PARK7: variants seen among roughly 807,000 people sequenced by gnomAD.
PARK7 encodes Parkinson disease protein 7.
In PARK7, 14 loss-of-function variants were observed where a neutral mutation model predicts 20.5. The ratio of observed to expected loss-of-function variants is 0.68; its 90% confidence interval spans 0.45 to 1.07. The LOEUF (loss-of-function observed/expected upper bound fraction) is 1.07, where lower values mean the gene tolerates loss of function less well. PARK7 is among the 50% of genes least tolerant of loss of function. The pLI, the probability that PARK7 is intolerant of heterozygous loss-of-function variation, is 0.00. For synonymous variants in PARK7, 98 were observed against 84.3 expected (o/e 1.16, Z -0.89); for missense variants, 234 against 238.1 (o/e 0.98, Z 0.11).
At chr1:7,971,997 A>G (rs1640475880) in intron 5 of PARK7, 1 of 152,232 alleles carries the variant, frequency 6.6e-6, no homozygotes, top group Non-Finnish European at 1.5e-5. Flanking sequence ...AAACGAATGA[A>G]TGAGTGGATG....
chr1:7,970,231 A>C (rs1237987374), intron 4 of PARK7, among the ~76,000 whole-genome samples: 1 of 152,156 alleles, frequency 6.6e-6, no homozygotes, highest in Non-Finnish European at 1.5e-5. Context: ...AAGTAAGCTG[A>C]ATTGGTGGGA....
Position 7,969,323 on chromosome 1 carries a change from T to G in PARK7, c.193-22T>G, listed in dbSNP as rs1269928836. The stretch of plus-strand genomic sequence containing the variant: ...GTTGAAATGAAATGTTTTTGTTTTC[T>G]TTATGTTTTAAACTGTTACAGGGAC... On this transcript the variant is annotated intron_variant, in intron 3 of 6. Coordinates refer to ENST00000338639, the MANE Select transcript of PARK7 (RefSeq NM_007262.5). 3 of 1,594,696 alleles carry G rather than the reference T, an allele frequency of 1.9e-6. No individual in the cohort carries two copies. In the African/African-American group the frequency reaches 4.0e-5, roughly 21 times the overall value.
intron 3 of PARK7, among the ~76,000 whole-genome samples, chr1:7,967,770 AT>A (rs1205798144): frequency 2.6e-5 from 4 of 151,800 alleles, no homozygotes; most frequent in African/African-American, 9.7e-5. Context: ...AATAAAAAAA[AT>A]TAGCTGGCTG....
chr1:7,966,648 T>G (rs1640336500), intron 3 of PARK7, among the ~76,000 whole-genome samples: 2 of 152,152 alleles, frequency 1.3e-5, no homozygotes, highest in South Asian at 4.2e-4. Flanking sequence ...CCCAGGAATT[T>G]GAGACAGCAG....
chr1:7,965,339 G>A lies in PARK7; in HGVS notation c.106G>A (p.Ala36Thr). ...MRRAGIKVTV[A>T]GLAGKDPVQC... ...TTTCTCGTAGATTAAGGTCACCGTT[G>A]CAGGCCTGGCTGGAAAAGACCCAGT... Residue 36 changes from alanine to threonine, a missense_variant, in exon 3 of 7, where the codon GCA becomes ACA. By Grantham distance (58) the Ala-to-Thr change is moderately conservative. Coordinates refer to ENST00000338639, the MANE Select transcript of PARK7 (RefSeq NM_007262.5). The A allele has an allele frequency of 6.2e-7, 1 of 1,614,090 alleles. No individual in the cohort carries two copies. Among genetic ancestry groups the A allele is most frequent in the Non-Finnish European group, 8.5e-7 (1 of 1,179,992 alleles).
chr1:7,966,309 A>G (rs566944594), intron 3 of PARK7, among the ~76,000 whole-genome samples: 12 of 152,116 alleles, frequency 7.9e-5, no homozygotes, highest in Middle Eastern at 3.4e-3. Context: ...AATCCTTTCT[A>G]ATAAGTTTAG....
chr1:7,979,867 G>A (rs1377087253), intron 6 of PARK7, among the ~76,000 whole-genome samples: 1 of 152,098 alleles, frequency 6.6e-6, no homozygotes, highest in Non-Finnish European at 1.5e-5. Context: ...TTGAAAATTG[G>A]TACTTTTTGC....
intron 3 of PARK7, among the ~76,000 whole-genome samples, chr1:7,968,807 G>C (rs1350102548): frequency 2.0e-5 from 3 of 152,134 alleles, no homozygotes; most frequent in African/African-American, 7.2e-5. Flanking sequence ...ATGAGCCAGT[G>C]TGCCCAGCCT....
chr1:7,965,561 T>C, intron 3 of PARK7, 136 bp downstream of exon 3: 1 of 771,008 alleles, frequency 1.3e-6, no homozygotes, highest in East Asian at 2.6e-5. Flanking sequence ...ATTAAGAGGG[T>C]GAGGACTTTG....
intron 5 of PARK7, among the ~76,000 whole-genome samples, chr1:7,972,973 C>T (rs1434518722): frequency 1.3e-5 from 2 of 152,028 alleles, no homozygotes; most frequent in African/African-American, 2.4e-5. Context: ...TCTATTGAAC[C>T]CGGGCGGCGG....
intron 2 of PARK7, among the ~76,000 whole-genome samples, chr1:7,964,196 A>G (rs978194009): frequency 2.6e-5 from 4 of 152,220 alleles, no homozygotes; most frequent in Admixed American, 2.0e-4. Context: ...AAAAATAGTG[A>G]ACAGTGAAGT....
rs1443402036 is a variant in PARK7, at chr1:7,984,474, C to T, written c.410-420C>T. ...CGTTGTGCTGTGGTTGTTTTTGAGG[C>T]ATCAGAGGGTGTGCGTGCCGCCACA... On this transcript the variant is annotated intron_variant, in intron 6 of 6. Coordinates refer to ENST00000338639, the MANE Select transcript of PARK7 (RefSeq NM_007262.5). The surrounding 1 kb of genome is among the most constrained non-coding windows in gnomAD (Gnocchi z 4.3). 6.6e-6 allele frequency among the ~76,000 whole-genome samples: 1 copy of T among 152,200 alleles called. No individual in the cohort carries two copies. The highest frequency in any genetic ancestry group is 1.5e-5 in the Non-Finnish European group (1 of 68,038).
chr1:7,981,851 G>T (rs1049943036), intron 6 of PARK7, among the ~76,000 whole-genome samples: 2 of 151,594 alleles, frequency 1.3e-5, no homozygotes, highest in Admixed American at 1.3e-4. Context: ...GTAGAGACGG[G>T]GTTTCATCGT....
intron 6 of PARK7, among the ~76,000 whole-genome samples, chr1:7,983,429 C>T (rs1640752787): frequency 6.6e-6 from 1 of 152,254 alleles, no homozygotes; most frequent in Non-Finnish European, 1.5e-5. Context: ...ATCCTTGAAG[C>T]CTCCTCACCT....
chr1:7,963,103 G>A (rs1274792765), intron 2 of PARK7, among the ~76,000 whole-genome samples: 3 of 151,842 alleles, frequency 2.0e-5, no homozygotes, highest in African/African-American at 7.3e-5. Context: ...GAGCTCTGTC[G>A]TCCAGGCTGG....
intron 2 of PARK7, among the ~76,000 whole-genome samples, chr1:7,964,248 G>A (rs895385847): frequency 1.1e-4 from 17 of 152,106 alleles, no homozygotes; most frequent in African/African-American, 1.9e-4. Context: ...TCTAAGTGCC[G>A]ATAAACCTTA....
chr1:7,982,521 C>G (rs1490504065), intron 6 of PARK7, among the ~76,000 whole-genome samples: 1 of 152,076 alleles, frequency 6.6e-6, no homozygotes, highest in Non-Finnish European at 1.5e-5. Context: ...TTTTGCTTCT[C>G]GTGGTTAAAA....
At chr1:7,972,279 A>G (rs1640481227) in intron 5 of PARK7, among the ~76,000 whole-genome samples, 1 of 152,116 alleles carries the variant, frequency 6.6e-6, no homozygotes, top group Non-Finnish European at 1.5e-5. Context: ...CCTTGGCAAC[A>G]TAGCCAGACC....
intron 6 of PARK7, among the ~76,000 whole-genome samples, chr1:7,983,833 A>G (rs1474944670): frequency 6.6e-6 from 1 of 152,122 alleles, no homozygotes; most frequent in African/African-American, 2.4e-5. Context: ...GGTGCCTTTG[A>G]CCTCACACTT....
Sources: allele counts gnomAD v4.1 joint callset (sites outside exome capture counted in the v4.1 genomes callset), GRCh38; gene constraint gnomAD v4.1.1; non-coding constraint Gnocchi (gnomAD v3.1); transcripts MANE v1.5; gene names NCBI Gene and HGNC (gene_info 2026-07-23, HGNC 2026-07-21).